Variants in PTPRM observed in about 807,000 individuals in gnomAD.
The protein encoded by PTPRM is protein tyrosine phosphatase receptor type M.
In PTPRM, 47 loss-of-function variants were observed where a neutral mutation model predicts 186.7. The observed-to-expected ratio is 0.25, with a 90% CI of 0.20 to 0.32. The LOEUF (loss-of-function observed/expected upper bound fraction) is 0.32. Ranked by LOEUF, PTPRM falls within the 10% of genes least tolerant of loss-of-function variation. The pLI is 1.00. For synonymous variants in PTPRM, 668 were observed against 674.9 expected, an observed-to-expected ratio of 0.99 and a Z score of 0.16; for missense variants, 1,494 against 1,865.0, an observed-to-expected ratio of 0.80 and a Z score of 3.66.
intron 21 of PTPRM, among the ~76,000 whole-genome samples, chr18:8,315,185 T>C (rs1319718672): frequency 1.3e-5 from 2 of 152,260 alleles, no homozygotes; most frequent in East Asian, 3.8e-4. Flanking sequence ...CATCTCATGC[T>C]TATGTGGACT....
chr18:8,339,445 C>A (rs673251), intron 22 of PTPRM, among the ~76,000 whole-genome samples: 9 of 152,024 alleles, frequency 5.9e-5, no homozygotes, highest in South Asian at 2.1e-4. Context: ...GTGGCTCCCC[C>A]CCAGCCAGAA....
intron 2 of PTPRM, among the ~76,000 whole-genome samples, chr18:7,854,711 A>G (rs987699451): frequency 6.8e-6 from 1 of 147,766 alleles, no homozygotes; most frequent in Non-Finnish European, 1.5e-5. Flanking sequence ...TTTACTTTTT[A>G]AACTTTTGAA....
intron 25 of PTPRM, 62 bp from the exon 26 acceptor site, chr18:8,376,400 A>T: frequency 6.2e-7 from 1 of 1,608,504 alleles, no homozygotes; most frequent in Non-Finnish European, 8.5e-7. Flanking sequence ...TAAAAAATTT[A>T]AAAAGCAGCA....
intron 8 of PTPRM, among the ~76,000 whole-genome samples, chr18:8,071,735 G>A (rs1392309798): frequency 6.6e-6 from 1 of 152,138 alleles, no homozygotes; most frequent in East Asian, 1.9e-4. Context: ...TCTCCTGGCC[G>A]CTTCTCAAGC....
At chr18:7,675,449 C>G (rs1263680252) in intron 1 of PTPRM, among the ~76,000 whole-genome samples, 2 of 152,090 alleles carry the variant, frequency 1.3e-5, no homozygotes, top group African/African-American at 4.8e-5. Flanking sequence ...CAGGAGCCCA[C>G]TGAGAGCCCA....
intron 1 of PTPRM, among the ~76,000 whole-genome samples, chr18:7,756,095 A>G (rs1034027221): frequency 1.3e-5 from 2 of 152,148 alleles, no homozygotes; most frequent in South Asian, 4.1e-4. Context: ...CCTCTCTAGT[A>G]CAGCAATTCC....
intron 14 of PTPRM, among the ~76,000 whole-genome samples, chr18:8,188,735 G>A (rs959937658): frequency 6.6e-6 from 1 of 152,210 alleles, no homozygotes. Flanking sequence ...ATGAGGGGCT[G>A]TGCTTCAGAA....
intron 4 of PTPRM, among the ~76,000 whole-genome samples, chr18:7,919,757 T>A (rs1182233537): frequency 6.6e-6 from 1 of 152,150 alleles, no homozygotes; most frequent in Non-Finnish European, 1.5e-5. Context: ...TTAACTTTAA[T>A]GTTTCTTTGT....
At chr18:7,673,310 C>T (rs1194388633) in intron 1 of PTPRM, among the ~76,000 whole-genome samples, 1 of 152,022 alleles carries the variant, frequency 6.6e-6, no homozygotes, top group African/African-American at 2.4e-5. Context: ...AATTATCTCA[C>T]CAACAAAAGA....
At position 7,955,392 on chromosome 18, in the gene PTPRM, C is replaced by G. The variant is rs1486848372; in HGVS notation, c.1110C>G (p.Leu370=). The change falls in exon 7 of 33, where the codon CTC becomes CTG. Residue 370 remains leucine, a synonymous_variant. Coordinates refer to ENST00000580170, the MANE Select transcript of PTPRM (RefSeq NM_001105244.2). The stretch of plus-strand genomic sequence containing the variant: ...GCACTGGCTCTCCTGGTCCAGCTCT[C>G]AGGACAAGAACAAAGTGTGCTGGTG... ...EGGTGSPGPA[L]RTRTKCADPM... is the part of the protein sequence containing the mutation. The G allele has an allele frequency of 1.2e-6, 2 of 1,613,774 alleles. No homozygotes were observed. The highest frequency in any genetic ancestry group is 2.2e-5 in the South Asian group (2 of 91,062).
intron 14 of PTPRM, among the ~76,000 whole-genome samples, chr18:8,204,618 G>A (rs1277524080): frequency 1.2e-4 from 18 of 152,092 alleles, no homozygotes; most frequent in Admixed American, 1.2e-3. Context: ...ATTAGCAAAA[G>A]AAGGGGAGCC....
chr18:8,149,718 A>G (rs1397863317), intron 14 of PTPRM, among the ~76,000 whole-genome samples: 1 of 152,134 alleles, frequency 6.6e-6, no homozygotes, highest in African/African-American at 2.4e-5. Flanking sequence ...TTTGCCCGTT[A>G]GTTCATATAA....
intron 11 of PTPRM, 22 bp downstream of exon 11, chr18:8,088,873 C>A: frequency 1.3e-6 from 2 of 1,547,570 alleles, no homozygotes; most frequent in East Asian, 2.2e-5. Context: ...AGGGTTGGGC[C>A]GGCTCTAGAT....
At chr18:8,230,765 C>A (rs748756862) in intron 14 of PTPRM, among the ~76,000 whole-genome samples, 20 of 152,178 alleles carry the variant, frequency 1.3e-4, no homozygotes, top group Non-Finnish European at 5.9e-5. Context: ...AAATATCAGA[C>A]CACTATGTTT....
chr18:7,583,780 T>C (rs2036907233), intron 1 of PTPRM, among the ~76,000 whole-genome samples: 1 of 152,196 alleles, frequency 6.6e-6, no homozygotes, highest in Non-Finnish European at 1.5e-5. Flanking sequence ...CATCCGAATA[T>C]CTGTTTAACG....
At chr18:7,961,911 C>T (rs2053708121) in intron 7 of PTPRM, among the ~76,000 whole-genome samples, 1 of 152,122 alleles carries the variant, frequency 6.6e-6, no homozygotes, top group African/African-American at 2.4e-5. Context: ...TTTTACATAA[C>T]TATAATAAAA....
At chr18:7,681,589 A>G (rs532600714) in intron 1 of PTPRM, among the ~76,000 whole-genome samples, 254 of 152,128 alleles carry the variant, frequency 1.7e-3, no homozygotes, top group African/African-American at 5.9e-3. Context: ...ATTCCTTAAA[A>G]AAAAAAACAA....
intron 1 of PTPRM, among the ~76,000 whole-genome samples, chr18:7,577,826 T>A (rs2036730244): frequency 6.6e-6 from 1 of 152,202 alleles, no homozygotes; most frequent in African/African-American, 2.4e-5. Flanking sequence ...ATCATTTTCA[T>A]CCCAAATGTG....
At chr18:7,621,343 C>T (rs570675083) in intron 1 of PTPRM, among the ~76,000 whole-genome samples, 11 of 152,328 alleles carry the variant, frequency 7.2e-5, no homozygotes, top group Non-Finnish European at 5.9e-5. Context: ...TTTATGTTCA[C>T]AGCAGATTTG....
Sources: allele counts gnomAD v4.1 joint callset (sites outside exome capture counted in the v4.1 genomes callset), GRCh38; gene constraint gnomAD v4.1.1; transcripts MANE v1.5; gene names NCBI Gene and HGNC (gene_info 2026-07-23, HGNC 2026-07-21).